TPST1: variants seen among roughly 807,000 people sequenced by gnomAD.
TPST1 encodes the protein tyrosylprotein sulfotransferase 1.
A neutral mutation model predicts 34.8 loss-of-function variants in TPST1; 20 were observed. The ratio of observed to expected loss-of-function variants is 0.57; its 90% confidence interval spans 0.40 to 0.84. The LOEUF is 0.84. TPST1 is among the 40% of genes least tolerant of loss of function. The pLI, the probability that TPST1 is intolerant of heterozygous loss-of-function variation, is 0.00. For missense variants in TPST1, 353 were observed against 455.5 expected (o/e 0.78, Z 2.05); for synonymous variants, 152 against 159.4 (o/e 0.95, Z 0.35).
chr7:66,359,738 G>C (rs1245976065), intron 5 of TPST1, among the ~76,000 whole-genome samples, 157 bp from the exon 6 acceptor site: 2 of 152,152 alleles, frequency 1.3e-5, no homozygotes, highest in Non-Finnish European at 2.9e-5. Flanking sequence ...TCCTGAGGCA[G>C]CTGTTCTCAA....
At chr7:66,258,592 C>T (rs1343967348) in intron 2 of TPST1, among the ~76,000 whole-genome samples, 2 of 152,190 alleles carry the variant, frequency 1.3e-5, no homozygotes, top group Non-Finnish European at 2.9e-5. Context: ...TTCCTGGATT[C>T]CCCACATCTC....
At chr7:66,356,963 A>T in intron 5 of TPST1, 92 bp downstream of exon 5, 1 of 1,282,984 alleles carries the variant, frequency 7.8e-7, no homozygotes, top group East Asian at 2.4e-5. Context: ...ACAGCTCTGG[A>T]GTCCGTCTGC....
intron 4 of TPST1, chr7:66,352,983 T>C: frequency 1.0e-6 from 1 of 985,298 alleles, no homozygotes; most frequent in Non-Finnish European, 1.2e-6. Flanking sequence ...GACTTATATA[T>C]ACACATAGTC....
In TPST1 at chr7:66,231,358, C is replaced by G. The variant is rs186175911; in HGVS notation, c.-101-8967C>G. On this transcript the variant is annotated intron_variant, in intron 1 of 5. Transcript: ENST00000304842. ...GCCTGCCAGTCCCATGCTGTGCGCT[C>G]GCACTCCGCAGGCCTTGGGTGGTTG... Among the ~76,000 whole-genome samples, 3 of 152,242 alleles carry G rather than the reference C, an allele frequency of 2.0e-5. No homozygotes were observed. The East Asian group carries it at 5.8e-4, about 29-fold the overall frequency.
chr7:66,242,057 A>G lies in TPST1; in HGVS notation c.845+787A>G, dbSNP rs1429749207. ...AACTTCTCAAATGATGATTTTTAGC[A>G]TTTTGCTTCTTTTCTTATGAAGTGA... On this transcript the variant is annotated intron_variant, in intron 2 of 5. Coordinates refer to ENST00000304842, the MANE Select transcript of TPST1 (RefSeq NM_003596.4). Among the ~76,000 whole-genome samples, 3 of 152,288 alleles carry G rather than the reference A, an allele frequency of 2.0e-5. No individual in the cohort carries two copies. In the East Asian group the frequency reaches 5.8e-4, roughly 29 times the overall value.
intron 3 of TPST1, among the ~76,000 whole-genome samples, chr7:66,339,117 G>A (rs1339142695): frequency 2.0e-5 from 3 of 150,952 alleles, no homozygotes; most frequent in Non-Finnish European, 4.4e-5. Context: ...GGGGGTGGTG[G>A]GTGGGGGGAG....
chr7:66,344,823 A>C (rs542024599), intron 3 of TPST1, among the ~76,000 whole-genome samples: 1 of 149,154 alleles, frequency 6.7e-6, no homozygotes, highest in African/African-American at 2.5e-5. Context: ...TCCTGGGTTC[A>C]TGCCATTCTT....
chr7:66,200,626 T>G (rs867004977), upstream of TPST1, among the ~76,000 whole-genome samples: 2 of 152,100 alleles, frequency 1.3e-5, no homozygotes, highest in Middle Eastern at 3.4e-3. Context: ...TTCACCGTGT[T>G]AGCCAGGGTG....
chr7:66,253,140 G>A (rs540864051), intron 2 of TPST1, among the ~76,000 whole-genome samples: 9 of 152,264 alleles, frequency 5.9e-5, no homozygotes, highest in East Asian at 1.9e-4. Flanking sequence ...TGTGGGCATC[G>A]TTAGGTTAGG....
At chr7:66,227,669 G>T (rs182850379) in intron 1 of TPST1, among the ~76,000 whole-genome samples, 29 of 152,144 alleles carry the variant, frequency 1.9e-4, no homozygotes, top group Non-Finnish European at 3.4e-4. Context: ...GCTGGCAGTG[G>T]TAGTGGATGT....
intron 3 of TPST1, among the ~76,000 whole-genome samples, chr7:66,295,040 T>C (rs1039790532): frequency 6.6e-5 from 10 of 152,228 alleles, no homozygotes; most frequent in African/African-American, 2.4e-4. Context: ...TTTACCATTT[T>C]GTTGTTTACC....
At chr7:66,328,775 C>A (rs1483275068) in intron 3 of TPST1, among the ~76,000 whole-genome samples, 1 of 148,630 alleles carries the variant, frequency 6.7e-6, no homozygotes, top group African/African-American at 2.5e-5. Flanking sequence ...GAACTCCTGG[C>A]ATCAAGTGAT....
chr7:66,243,304 C>T (rs1025939635), intron 2 of TPST1, among the ~76,000 whole-genome samples: 1 of 152,060 alleles, frequency 6.6e-6, no homozygotes, highest in Admixed American at 6.6e-5. Flanking sequence ...GTATTTTAGT[C>T]TTTTCTGGTA....
intron 2 of TPST1, among the ~76,000 whole-genome samples, chr7:66,241,914 C>T (rs1790044466): frequency 6.6e-6 from 1 of 152,234 alleles, no homozygotes; most frequent in Non-Finnish European, 1.5e-5. Context: ...TGGCATTTTA[C>T]TACGTGTTGT....
chr7:66,250,561 A>G (rs1036944215), intron 2 of TPST1, among the ~76,000 whole-genome samples: 2 of 152,074 alleles, frequency 1.3e-5, no homozygotes, highest in Admixed American at 6.6e-5. Flanking sequence ...TTATCCTGGA[A>G]ATGGGAATGA....
chr7:66,310,547 C>T (rs940137147), intron 3 of TPST1, among the ~76,000 whole-genome samples: 2 of 152,064 alleles, frequency 1.3e-5, no homozygotes, highest in South Asian at 2.1e-4. Flanking sequence ...GCCAACCCAT[C>T]GAGAGAAGCA....
chr7:66,246,571 A>C (rs1790154611), intron 2 of TPST1, among the ~76,000 whole-genome samples: 1 of 152,238 alleles, frequency 6.6e-6, no homozygotes, highest in Admixed American at 6.5e-5. Flanking sequence ...TTGGTAGCAA[A>C]AATTAGAAGT....
At chr7:66,258,934 C>G (rs1790432703) in intron 2 of TPST1, among the ~76,000 whole-genome samples, 1 of 152,024 alleles carries the variant, frequency 6.6e-6, no homozygotes. Flanking sequence ...GTCTTAGTTT[C>G]TTAGCAGGTT....
intron 1 of TPST1, among the ~76,000 whole-genome samples, chr7:66,207,913 A>G (rs1187213992): frequency 5.9e-5 from 9 of 152,120 alleles, no homozygotes; most frequent in African/African-American, 2.2e-4. Flanking sequence ...CATTAAGTCT[A>G]GCATAGATCC....
Sources: gnomAD v4.1 joint callset for allele counts (sites outside exome capture counted in the v4.1 genomes callset) on GRCh38, gnomAD v4.1.1 for gene constraint, MANE v1.5 for transcripts, NCBI Gene and HGNC (gene_info 2026-07-23, HGNC 2026-07-21) for gene names.